The following GLRA2 variants were observed in gnomAD, a reference collection of about 807,000 sequenced individuals.
GLRA2 encodes the protein glycine receptor subunit alpha-2.
A neutral mutation model predicts 31.6 loss-of-function variants in GLRA2; 11 were observed. The ratio of observed to expected loss-of-function variants is 0.35; its 90% CI spans 0.22 to 0.58. The LOEUF is 0.58. Ranked by LOEUF, GLRA2 falls within the 20% of genes least tolerant of loss-of-function variation. GLRA2 has a pLI of 0.84. For missense variants in GLRA2, 212 were observed against 351.8 expected, an observed-to-expected ratio of 0.60 and a Z score of 3.18; for synonymous variants, 132 against 134.0, an observed-to-expected ratio of 0.99 and a Z score of 0.10.
chrX:14,679,190 T>C (rs1185396353), intron 7 of GLRA2, among the ~76,000 whole-genome samples: 2 of 109,294 alleles, frequency 1.8e-5, no homozygotes, highest in African/African-American at 6.7e-5. Context: ...GATATGAAGA[T>C]AGAGTGAAAA....
At chrX:14,596,630 G>A (rs993462101) in intron 4 of GLRA2, among the ~76,000 whole-genome samples, 1 of 107,514 alleles carries the variant, frequency 9.3e-6, no homozygotes, top group Admixed American at 1.0e-4. Flanking sequence ...CTGGGTGACA[G>A]AGCGAGACTC....
chrX:14,610,792 T>C (rs1413769374), intron 7 of GLRA2, among the ~76,000 whole-genome samples: 2 of 112,331 alleles, frequency 1.8e-5, no homozygotes, highest in Non-Finnish European at 1.9e-5. Flanking sequence ...AGAGTAGTCA[T>C]TTATCTTCAA....
At chrX:14,494,799 A>C in the GLRA2 span, among the ~76,000 whole-genome samples, 138 of 111,930 alleles carry the variant, frequency 1.2e-3, 1 homozygote, top group Non-Finnish European at 1.6e-3. Flanking sequence ...AAGCACCTAA[A>C]TGGGTTTTGC....
the GLRA2 span, among the ~76,000 whole-genome samples, chrX:14,480,129 A>G: frequency 9.8e-5 from 11 of 111,797 alleles, no homozygotes; most frequent in African/African-American, 3.6e-4. Context: ...AGTGATGTTG[A>G]GCATTATTTC....
chrX:14,604,675 A>C (rs2090315494), intron 5 of GLRA2, among the ~76,000 whole-genome samples: 1 of 108,964 alleles, frequency 9.2e-6, no homozygotes, highest in African/African-American at 3.3e-5. Flanking sequence ...CCCCCCGCCC[A>C]AAAAATAGCC....
the GLRA2 span, among the ~76,000 whole-genome samples, chrX:14,460,740 C>T: frequency 1.4e-4 from 16 of 111,248 alleles, no homozygotes; most frequent in African/African-American, 3.9e-4. Flanking sequence ...CTATTTGATT[C>T]TTCTCTTTTC....
At chrX:14,653,079 A>G (rs1376806995) in intron 7 of GLRA2, among the ~76,000 whole-genome samples, 1 of 111,607 alleles carries the variant, frequency 9.0e-6, no homozygotes, top group Admixed American at 9.5e-5. Flanking sequence ...TCAAAATATT[A>G]CTGGTCATTG....
chrX:14,701,709 C>T (rs749378962), intron 8 of GLRA2, among the ~76,000 whole-genome samples: 2 of 112,739 alleles, frequency 1.8e-5, no homozygotes, highest in Non-Finnish European at 3.7e-5. Flanking sequence ...TGCAATAAAA[C>T]AGTTAACTCT....
the GLRA2 span, among the ~76,000 whole-genome samples, chrX:14,476,321 A>C: frequency 9.2e-6 from 1 of 109,150 alleles, no homozygotes; most frequent in African/African-American, 3.3e-5. Context: ...CTTTCTACTC[A>C]CTCAGACTTA....
the GLRA2 span, among the ~76,000 whole-genome samples, chrX:14,489,734 G>T: frequency 1.8e-5 from 2 of 111,991 alleles, no homozygotes; most frequent in African/African-American, 6.5e-5. Context: ...GCAAATGGAC[G>T]TTACAAATCA....
At chrX:14,721,120 C>CAA (rs35339624) in intron 8 of GLRA2, among the ~76,000 whole-genome samples, 4 of 71,679 alleles carry the variant, frequency 5.6e-5, no homozygotes, top group African/African-American at 1.6e-4. Flanking sequence ...GACCCTGTCT[C>CAA]AAAAAAAAAA....
the GLRA2 span, among the ~76,000 whole-genome samples, chrX:14,464,292 C>T: frequency 9.0e-6 from 1 of 111,716 alleles, no homozygotes; most frequent in Non-Finnish European, 1.9e-5. Flanking sequence ...CTATGTTTTT[C>T]ACAGGAGTTT....
intron 2 of GLRA2, among the ~76,000 whole-genome samples, chrX:14,555,478 T>C (rs1182910378): frequency 8.9e-6 from 1 of 111,740 alleles, no homozygotes; most frequent in African/African-American, 3.2e-5. Context: ...TATGCCATAC[T>C]GTACTGGTAA....
intron 8 of GLRA2, among the ~76,000 whole-genome samples, chrX:14,726,369 C>T (rs774949735): frequency 3.7e-4 from 41 of 112,064 alleles, no homozygotes; most frequent in Non-Finnish European, 7.1e-4. Context: ...TTGAATGCAT[C>T]ATAATGGTAA....
intron 2 of GLRA2, among the ~76,000 whole-genome samples, chrX:14,552,545 G>C (rs959352477): frequency 8.9e-6 from 1 of 112,586 alleles, no homozygotes; most frequent in Non-Finnish European, 1.9e-5. Flanking sequence ...CTGGTGCTGA[G>C]GCCCACATAC....
chrX:14,643,617 G>A (rs1049286450), intron 7 of GLRA2, among the ~76,000 whole-genome samples: 1 of 111,706 alleles, frequency 9.0e-6, no homozygotes, highest in South Asian at 3.7e-4. Flanking sequence ...TTCACCAGGT[G>A]CTGAGTTTGA....
At chrX:14,720,789 T>G (rs1410284920) in intron 8 of GLRA2, among the ~76,000 whole-genome samples, 1 of 112,060 alleles carries the variant, frequency 8.9e-6, no homozygotes, top group Non-Finnish European at 1.9e-5. Flanking sequence ...TCCTTTCATT[T>G]TATACTATCT....
At chrX:14,567,485 A>G (rs1332644343) in intron 2 of GLRA2, among the ~76,000 whole-genome samples, 1 of 112,201 alleles carries the variant, frequency 8.9e-6, no homozygotes, top group Non-Finnish European at 1.9e-5. Flanking sequence ...AAAACTCACA[A>G]TTAACAACAT....
intron 2 of GLRA2, among the ~76,000 whole-genome samples, chrX:14,564,024 G>A (rs1309992775): frequency 9.0e-6 from 1 of 110,976 alleles, no homozygotes; most frequent in Non-Finnish European, 1.9e-5. Context: ...ATAAAGAGTG[G>A]AAAGAATATA....
Sources: allele counts gnomAD v4.1 joint callset (sites outside exome capture counted in the v4.1 genomes callset), GRCh38; gene constraint gnomAD v4.1.1; transcripts MANE v1.5; gene names NCBI Gene and HGNC (gene_info 2026-07-23, HGNC 2026-07-21).